Variants in ANKRD17 observed in about 807,000 individuals in gnomAD.
ANKRD17 encodes the protein ankyrin repeat domain-containing protein 17.
In ANKRD17, 19 loss-of-function variants were observed where a neutral mutation model predicts 229.7. That is an observed-to-expected ratio of 0.08 (90% confidence interval 0.06 to 0.12). The LOEUF is 0.12. Ranked by LOEUF, ANKRD17 falls within the 10% of genes least tolerant of loss-of-function variation. The pLI is 1.00. For missense variants in ANKRD17, 2,176 were observed against 3,176.8 expected (o/e 0.68, Z 7.57); for synonymous variants, 1,112 against 1,146.1 (o/e 0.97, Z 0.60).
At chr4:73,242,478 T>C (rs913288012) in intron 1 of ANKRD17, among the ~76,000 whole-genome samples, 1 of 152,112 alleles carries the variant, frequency 6.6e-6, no homozygotes, top group African/African-American at 2.4e-5. Flanking sequence ...TGAAAATACA[T>C]AAGTATGCCA....
At chr4:73,098,682 A>G in intron 25 of ANKRD17, 162 bp from the exon 26 acceptor site, 1 of 851,908 alleles carries the variant, frequency 1.2e-6, no homozygotes, top group Non-Finnish European at 1.9e-6. Context: ...TAGGACTGAT[A>G]TACTCTGTGT....
intron 14 of ANKRD17, 145 bp downstream of exon 14, chr4:73,141,596 T>C: frequency 1.5e-6 from 1 of 688,636 alleles, no homozygotes; most frequent in Non-Finnish European, 2.5e-6. Flanking sequence ...TATTTTTTTC[T>C]CCCAATAACA....
chr4:73,173,932 A>G (rs1476455391), intron 2 of ANKRD17, among the ~76,000 whole-genome samples: 1 of 152,068 alleles, frequency 6.6e-6, no homozygotes, highest in African/African-American at 2.4e-5. Context: ...ATTTCATAAT[A>G]ATTTCAACTG....
chr4:73,118,879 T>C (rs763651231), intron 21 of ANKRD17, 29 bp from the exon 22 acceptor site: 1 of 1,376,628 alleles, frequency 7.3e-7, no homozygotes, highest in Non-Finnish European at 9.6e-7. Flanking sequence ...GATAGCATTG[T>C]CTTTTTTTTT....
intron 1 of ANKRD17, among the ~76,000 whole-genome samples, chr4:73,213,031 G>GAAAAAAAAAAAAAAAAA (rs11371589): frequency 7.6e-6 from 1 of 131,344 alleles, no homozygotes. Flanking sequence ...CGTTTCAGGG[G>GAAAAAAAAAAAAAAAAA]AAAAAAAAAA....
chr4:73,230,707 TGTACA>T (rs1256840515), intron 1 of ANKRD17, among the ~76,000 whole-genome samples: 1 of 152,198 alleles, frequency 6.6e-6, no homozygotes, highest in Non-Finnish European at 1.5e-5. Context: ...ATGTGTCCTA[TGTACA>T]GAATGAAATA....
At position 73,150,559 on chromosome 4, in the gene ANKRD17, G is replaced by A. The variant is rs181170182; in HGVS notation, c.1329+871C>T. Among the ~76,000 whole-genome samples the A allele has an allele frequency of 6.5e-3, 983 of 152,138 alleles. 6 individuals carry two copies. Among genetic ancestry groups the A allele is most frequent in the Non-Finnish European group, 0.012 (814 of 67,988 alleles). The stretch of plus-strand genomic sequence containing the variant: ...TTTATTTGTTAAAAAAAAATAATTT[G>A]CTAAAGCAAACACTAAGATGGCAAT... On this transcript the variant is annotated intron_variant, in intron 7 of 33. Coordinates refer to ENST00000358602, the MANE Select transcript of ANKRD17 (RefSeq NM_032217.5).
intron 1 of ANKRD17, among the ~76,000 whole-genome samples, chr4:73,247,598 C>T (rs781734432): frequency 1.3e-5 from 2 of 151,872 alleles, no homozygotes; most frequent in Non-Finnish European, 2.9e-5. Context: ...AAGAAACAAA[C>T]ATTTGATATA....
At chr4:73,181,768 C>G (rs963965817) in intron 1 of ANKRD17, among the ~76,000 whole-genome samples, 1 of 151,926 alleles carries the variant, frequency 6.6e-6, no homozygotes, top group Non-Finnish European at 1.5e-5. Context: ...AGTATTTGAG[C>G]TGGGCACGGT....
intron 3 of ANKRD17, among the ~76,000 whole-genome samples, chr4:73,160,968 T>C (rs1000560404): frequency 6.6e-6 from 1 of 152,230 alleles, no homozygotes; most frequent in Non-Finnish European, 1.5e-5. Flanking sequence ...ATCTATTTGA[T>C]CTTGATTAAG....
chr4:73,156,288 C>T, intron 3 of ANKRD17, 122 bp from the exon 4 acceptor site: 1 of 1,217,398 alleles, frequency 8.2e-7, no homozygotes, highest in Non-Finnish European at 1.1e-6. Flanking sequence ...CTCTGTCACC[C>T]AGGAGGGGGT....
rs771137756 is a variant in ANKRD17 at position 73,118,859 on chromosome 4, C to A, written c.4026-9G>T. The A allele has an allele frequency of 7.2e-6, 11 of 1,526,108 alleles. No homozygotes were observed. In the Admixed American group the frequency reaches 1.7e-4, roughly 24 times the overall value. The allele number at this position is 1,526,108 out of a possible 1,614,324, so 94.5% of individuals were successfully genotyped here. A position where few individuals can be genotyped will look rare whatever the true frequency, so the allele number is the denominator to read the frequency against. ...CATCAATATGAGCTCCCCTAAAAACCAATGACACAGATAGCATTGTCTTTT... is the reference window on the plus strand; with the variant it reads ...CATCAATATGAGCTCCCCTAAAAACAAATGACACAGATAGCATTGTCTTTT... On this transcript the variant is annotated splice_polypyrimidine_tract_variant and intron_variant, in intron 21 of 33. Transcript: ENST00000358602.
intron 8 of ANKRD17, among the ~76,000 whole-genome samples, chr4:73,148,525 T>C (rs977449042): frequency 6.6e-6 from 1 of 152,204 alleles, no homozygotes. Context: ...TTTAGAAATG[T>C]TGGCTCTTAT....
intron 25 of ANKRD17, among the ~76,000 whole-genome samples, chr4:73,099,299 CCA>C (rs1456974791): frequency 6.6e-6 from 1 of 152,050 alleles, no homozygotes; most frequent in Non-Finnish European, 1.5e-5. Flanking sequence ...ACCCTCACCA[CCA>C]CACTACACAG....
At chr4:73,249,567 G>A (rs920333950) in intron 1 of ANKRD17, among the ~76,000 whole-genome samples, 17 of 152,224 alleles carry the variant, frequency 1.1e-4, no homozygotes, top group Non-Finnish European at 4.4e-5. Flanking sequence ...ATATACTTAA[G>A]TAAAATCGGC....
At chr4:73,212,397 A>G (rs1740397419) in intron 1 of ANKRD17, among the ~76,000 whole-genome samples, 1 of 152,232 alleles carries the variant, frequency 6.6e-6, no homozygotes, top group South Asian at 2.1e-4. Flanking sequence ...ATATTCTTCC[A>G]TAATTCATAA....
At chr4:73,078,975 G>A in intron 30 of ANKRD17, 85 bp from the exon 31 acceptor site, 18 of 1,384,396 alleles carry the variant, frequency 1.3e-5, no homozygotes, top group Non-Finnish European at 1.7e-5. Context: ...ACCAGGAGAT[G>A]TTTTAAATAT....
intron 18 of ANKRD17, among the ~76,000 whole-genome samples, chr4:73,122,124 T>C (rs902507775): frequency 1.3e-5 from 2 of 152,202 alleles, no homozygotes; most frequent in African/African-American, 4.8e-5. Context: ...GTATTTAACA[T>C]ATTTTTAAAC....
At chr4:73,078,973 A>G (rs1305397167) in intron 30 of ANKRD17, 83 bp from the exon 31 acceptor site, 2 of 1,390,680 alleles carry the variant, frequency 1.4e-6, no homozygotes, top group East Asian at 2.4e-5. Context: ...AAACCAGGAG[A>G]TGTTTTAAAT....
Sources: gnomAD v4.1 joint callset for allele counts (sites outside exome capture counted in the v4.1 genomes callset) on GRCh38, gnomAD v4.1.1 for gene constraint, MANE v1.5 for transcripts, NCBI Gene and HGNC (gene_info 2026-07-23, HGNC 2026-07-21) for gene names.